Variants in ELOVL2 observed in about 807,000 individuals in gnomAD.
The protein encoded by ELOVL2 is ELOVL fatty acid elongase 2.
Under a neutral mutation model 37.7 loss-of-function variants are expected in ELOVL2, and 38 were observed. The ratio of observed to expected loss-of-function variants is 1.01; its 90% CI spans 0.78 to 1.32. ELOVL2 has a LOEUF of 1.32. ELOVL2 is among the 40% of genes most tolerant of loss of function. The pLI is 0.00. For synonymous variants in ELOVL2, 115 were observed against 122.3 expected (o/e 0.94, Z 0.40); for missense variants, 352 against 363.6 (o/e 0.97, Z 0.26).
chr6:11,016,160 T>C (rs1475022249), intron 1 of ELOVL2, among the ~76,000 whole-genome samples: 1 of 152,266 alleles, frequency 6.6e-6, no homozygotes, highest in Non-Finnish European at 1.5e-5. Context: ...TCCTTCTTCC[T>C]TCTTCCCCTT....
chr6:11,008,529 C>T (rs1286832083), intron 2 of ELOVL2, among the ~76,000 whole-genome samples: 4 of 151,844 alleles, frequency 2.6e-5, no homozygotes, highest in South Asian at 2.1e-4. Flanking sequence ...GAGGGGGCTC[C>T]GGGTCCTGCA....
intron 1 of ELOVL2, among the ~76,000 whole-genome samples, chr6:11,020,092 T>C (rs981278566): frequency 7.9e-5 from 12 of 152,190 alleles, no homozygotes; most frequent in African/African-American, 2.2e-4. Flanking sequence ...ATATTAATTG[T>C]ATAATTAAAA....
At chr6:11,022,636 G>C (rs1782782058) in intron 1 of ELOVL2, among the ~76,000 whole-genome samples, 2 of 152,110 alleles carry the variant, frequency 1.3e-5, no homozygotes, top group African/African-American at 4.8e-5. Flanking sequence ...TGTATCACTG[G>C]TGCACAGAAT....
chr6:11,043,471 C>CACACAAACACACACACACA (rs1783139674), intron 1 of ELOVL2: 1 of 140,560 alleles, frequency 7.1e-6, no homozygotes, highest in African/African-American at 2.8e-5. Context: ...CGGGTGAACA[C>CACACAAACACACACACACA]ACACACACAC....
At chr6:11,040,153 T>C (rs907177069) in intron 1 of ELOVL2, among the ~76,000 whole-genome samples, 1 of 152,138 alleles carries the variant, frequency 6.6e-6, no homozygotes, top group Non-Finnish European at 1.5e-5. Flanking sequence ...TCAGACACAG[T>C]AGACTGAAGA....
chr6:10,989,505 T>C (rs1203476895), intron 7 of ELOVL2, among the ~76,000 whole-genome samples, 198 bp downstream of exon 7: 3 of 152,008 alleles, frequency 2.0e-5, no homozygotes, highest in Admixed American at 6.6e-5. Flanking sequence ...ATACAACAAT[T>C]AGCCGGGCCT....
intron 1 of ELOVL2, chr6:11,015,720 T>C (rs1248682511): frequency 6.6e-6 from 1 of 152,028 alleles, no homozygotes; most frequent in African/African-American, 2.4e-5. Flanking sequence ...ATGCCTGCCT[T>C]CTGTGGGTAG....
chr6:10,989,168 G>C (rs1234002697), intron 7 of ELOVL2, among the ~76,000 whole-genome samples: 1 of 152,122 alleles, frequency 6.6e-6, no homozygotes, highest in Non-Finnish European at 1.5e-5. Flanking sequence ...AACCTTATGT[G>C]TATGCATTGA....
At chr6:10,999,873 G>C (rs1458072037) in intron 4 of ELOVL2, among the ~76,000 whole-genome samples, 1 of 152,176 alleles carries the variant, frequency 6.6e-6, no homozygotes, top group African/African-American at 2.4e-5. Flanking sequence ...CCACTTGGTA[G>C]AGGCATCTGC....
At chr6:10,996,933 C>T (rs9295741) in intron 4 of ELOVL2, among the ~76,000 whole-genome samples, 60,241 of 151,836 alleles carry the variant, frequency 0.4, 13,176 homozygotes, top group East Asian at 0.71. Context: ...TCGCTTGAAC[C>T]CAGGAGGCAG....
At chr6:10,987,444 G>C (rs1163507051) in intron 7 of ELOVL2, among the ~76,000 whole-genome samples, 1 of 152,126 alleles carries the variant, frequency 6.6e-6, no homozygotes, top group East Asian at 1.9e-4. Flanking sequence ...TGATGTTAGG[G>C]TGTCAATTTT....
chr6:11,015,628 A>G (rs1008139601), intron 1 of ELOVL2: 1 of 152,268 alleles, frequency 6.6e-6, no homozygotes, highest in Admixed American at 6.5e-5. Context: ...GTCTCACAGG[A>G]CTGACTTCTT....
At chr6:11,021,664 C>T (rs990522330) in intron 1 of ELOVL2, among the ~76,000 whole-genome samples, 1 of 151,918 alleles carries the variant, frequency 6.6e-6, no homozygotes, top group Non-Finnish European at 1.5e-5. Flanking sequence ...CTAGTAAAAC[C>T]GAAAACCTTT....
rs1781973419 is a variant in ELOVL2, at chr6:10,983,212, C to G, written c.*569G>C. 6 of 152,132 alleles carry G rather than the reference C, an allele frequency of 3.9e-5. No homozygotes were observed. The highest frequency in any genetic ancestry group is 2.6e-4 in the Admixed American group (4 of 15,278). The allele number at this position is 152,132 out of a possible 1,614,324, so 9.4% of individuals were successfully genotyped here. The stretch of plus-strand genomic sequence containing the variant: ...TAGAATCAGGAGTGGTTGTGGGAAT[C>G]TGATAGACAAGACTCTGGCTTACAG... On this transcript the variant is annotated 3_prime_UTR_variant, in exon 8 of 8. Coordinates refer to ENST00000354666, the MANE Select transcript of ELOVL2 (RefSeq NM_017770.4).
intron 5 of ELOVL2, among the ~76,000 whole-genome samples, chr6:10,990,946 C>T (rs553428067): frequency 1.3e-5 from 2 of 152,184 alleles, no homozygotes; most frequent in East Asian, 1.9e-4. Flanking sequence ...ACTTAGGGAC[C>T]GGGAGGTGCT....
chr6:11,032,344 A>C (rs1782943504), intron 1 of ELOVL2, among the ~76,000 whole-genome samples: 2 of 1,186 alleles, frequency 1.7e-3, no homozygotes, highest in African/African-American at 3.5e-3. Flanking sequence ...TTCCTATACA[A>C]AAAAAAAAAA....
chr6:11,029,886 T>C (rs572538627), intron 1 of ELOVL2, among the ~76,000 whole-genome samples: 1 of 152,272 alleles, frequency 6.6e-6, no homozygotes, highest in South Asian at 2.1e-4. Flanking sequence ...TGCAATTTGT[T>C]TGAGTAAAAA....
rs562922380 is a variant in ELOVL2, at chr6:11,000,144, T to C, written c.276A>G (p.Glu92=). The change falls in exon 4 of 8, where the codon GAA becomes GAG. Residue 92 remains glutamate (E), a synonymous_variant. Transcript: ENST00000354666. ...CTTGACACTGTAAGTTGTAGCCTCCTTCCCAAGTGGAGAGAATGAGCTGCC... is the reference window on the plus strand; with the variant it reads ...CTTGACACTGTAAGTTGTAGCCTCCCTCCCAAGTGGAGAGAATGAGCTGCC... ...MLAELILSTW[E]GGYNLQCQDL... 1.2e-6 allele frequency: 2 copies of C among 1,614,148 alleles called. 1 individual carries two copies. Among genetic ancestry groups the C allele is most frequent in the South Asian group, 2.2e-5 (2 of 91,078 alleles).
Position 11,005,449 on chromosome 6 carries a change from G to A in ELOVL2, c.178C>T (p.Pro60Ser), listed in dbSNP as rs901572496. 1 of 1,613,810 alleles carries A rather than the reference G, an allele frequency of 6.2e-7. No individual in the cohort carries two copies. Among genetic ancestry groups the A allele is most frequent in the African/African-American group, 1.3e-5 (1 of 74,922 alleles). The change falls in exon 3 of 8, where the codon CCT (proline) becomes TCT (serine). Residue 60 changes from proline to serine, a missense_variant. Pro to Ser is a moderately conservative substitution (Grantham distance 74, BLOSUM62 -1). Coordinates refer to ENST00000354666, the MANE Select transcript of ELOVL2 (RefSeq NM_017770.4). ...AGGATACCCCTGAGAGAAAGAGCAG[G>A]TCTGTTCTTCATATACTTGTTACCC... ...WLGNKYMKNRPALSLRGILTL... is the reference protein window; with the variant it reads ...WLGNKYMKNRSALSLRGILTL...
Sources: gnomAD v4.1 joint callset for allele counts (sites outside exome capture counted in the v4.1 genomes callset) on GRCh38, gnomAD v4.1.1 for gene constraint, MANE v1.5 for transcripts, NCBI Gene and HGNC (gene_info 2026-07-23, HGNC 2026-07-21) for gene names.